Variants in PRKDC observed in about 807,000 individuals in gnomAD.
PRKDC encodes protein kinase, DNA-activated, catalytic subunit.
PRKDC carries 82 observed loss-of-function variants against 486.9 expected under a neutral mutation model. The ratio of observed to expected loss-of-function variants is 0.17; its 90% CI spans 0.14 to 0.20. The LOEUF (loss-of-function observed/expected upper bound fraction) is 0.20. Ranked by LOEUF, PRKDC falls within the 10% of genes least tolerant of loss-of-function variation. PRKDC has a pLI of 1.00. For synonymous variants in PRKDC, 1,895 were observed against 1,837.0 expected (o/e 1.03, Z -0.81); for missense variants, 4,504 against 5,038.2 (o/e 0.89, Z 3.21).
At chr8:47,886,179 G>A in intron 35 of PRKDC, 32 bp from the exon 36 acceptor site, 2 of 1,524,958 alleles carry the variant, frequency 1.3e-6, no homozygotes, top group Non-Finnish European at 1.8e-6. Flanking sequence ...TACCATAACT[G>A]GGGCACATCT....
At chr8:47,776,797 T>G in intron 85 of PRKDC, 47 bp downstream of exon 85, 4 of 1,606,090 alleles carry the variant, frequency 2.5e-6, no homozygotes, top group Non-Finnish European at 3.4e-6. Context: ...CGAGAAACAG[T>G]AGCATGTCGG....
chr8:47,908,345 T>C (rs2089831254), intron 25 of PRKDC, among the ~76,000 whole-genome samples: 1 of 152,252 alleles, frequency 6.6e-6, no homozygotes, highest in African/African-American at 2.4e-5. Context: ...CATTTGTCCA[T>C]TTTAAAATCT....
chr8:47,802,301 T>C (rs1287130873), intron 70 of PRKDC, among the ~76,000 whole-genome samples: 2 of 152,126 alleles, frequency 1.3e-5, no homozygotes, highest in Non-Finnish European at 2.9e-5. Context: ...TAGACACCTT[T>C]ATTGAGGCTG....
At chr8:47,935,698 C>A (rs2090338065) in intron 13 of PRKDC, 34 bp downstream of exon 13, 2 of 1,596,858 alleles carry the variant, frequency 1.3e-6, no homozygotes, top group African/African-American at 1.3e-5. Context: ...AATTATCCAT[C>A]ATTACTCATA....
chr8:47,927,349 G>C lies in PRKDC; in HGVS notation c.2264C>G (p.Ala755Gly). The C allele has an allele frequency of 6.2e-7, 1 of 1,610,314 alleles. No individual in the cohort carries two copies. The highest frequency in any genetic ancestry group is 8.5e-7 in the Non-Finnish European group (1 of 1,178,860). Reference sequence around the variant, plus strand: ...GGTATAGCTCAGGCCCAGTTTGAAAGCCATCTGTATGTTAATACAAACAAG... The same window carrying C: ...GGTATAGCTCAGGCCCAGTTTGAAACCCATCTGTATGTTAATACAAACAAG... ...VRAYVPALQM[A>G]FKLGLSYTPL... The change falls in exon 21 of 86, where the codon GCT becomes GGT. Residue 755 changes from alanine (A) to glycine (G), a missense_variant. Coordinates refer to ENST00000314191, the MANE Select transcript of PRKDC (RefSeq NM_006904.7).
intron 40 of PRKDC, among the ~76,000 whole-genome samples, chr8:47,870,920 C>T (rs559710436): frequency 5.3e-5 from 8 of 152,188 alleles, no homozygotes; most frequent in Non-Finnish European, 1.2e-4. Flanking sequence ...AATTATCAAT[C>T]TGAAAAATGC....
At chr8:47,927,380 C>A in intron 20 of PRKDC, 27 bp from the exon 21 acceptor site, 1 of 1,583,988 alleles carries the variant, frequency 6.3e-7, no homozygotes, top group Non-Finnish European at 8.5e-7. Context: ...ACAAGTTAAA[C>A]TGAAACGCAG....
chr8:47,950,625 GA>G (rs1208107553), intron 7 of PRKDC, among the ~76,000 whole-genome samples: 1,154 of 77,762 alleles, frequency 0.015, 7 homozygotes, highest in South Asian at 0.045. Flanking sequence ...CAAGACTCCG[GA>G]AAAAAAAAAA....
At chr8:47,936,129 C>G (rs1395812025) in intron 12 of PRKDC, among the ~76,000 whole-genome samples, 1 of 151,614 alleles carries the variant, frequency 6.6e-6, no homozygotes, top group Non-Finnish European at 1.5e-5. Flanking sequence ...AGCAACAATT[C>G]CAAATCTTTC....
At chr8:47,839,506 G>C (rs1310462773) in intron 55 of PRKDC, among the ~76,000 whole-genome samples, 1 of 152,122 alleles carries the variant, frequency 6.6e-6, no homozygotes, top group Non-Finnish European at 1.5e-5. Flanking sequence ...CAGCTGTGGT[G>C]GTGTGGTAGT....
intron 67 of PRKDC, 40 bp from the exon 68 acceptor site, chr8:47,817,601 A>G (rs2087476768): frequency 8.0e-7 from 1 of 1,250,116 alleles, no homozygotes; most frequent in Non-Finnish European, 1.1e-6. Context: ...ACACAGCTCA[A>G]TTATAAGATC....
chr8:47,827,537 T>C (rs771003622), intron 62 of PRKDC, among the ~76,000 whole-genome samples: 1 of 152,220 alleles, frequency 6.6e-6, no homozygotes, highest in Non-Finnish European at 1.5e-5. Context: ...TGTGTTGCCT[T>C]GGAAAGGACT....
Position 47,793,683 on chromosome 8 carries a change from T to TAA in PRKDC, c.10670+605_10670+606dup, listed in dbSNP as rs397892514. 5.7e-3 allele frequency among the ~76,000 whole-genome samples: 413 copies of TAA among 72,794 alleles called. 8 individuals are homozygous for TAA. Among genetic ancestry groups the TAA allele is most frequent in the African/African-American group, 0.017 (341 of 20,356 alleles). 47.8% of individuals were successfully genotyped at this position (72,794 alleles called of 152,430 possible). A position where few individuals can be genotyped will look rare whatever the true frequency, so the allele number is the denominator to read the frequency against. ...TAAAAATAAATTAATTTAAAAAAACTAAAAAAAAAAAAAAAAAAAAAGATG... is the reference window on the plus strand; with the variant it reads ...TAAAAATAAATTAATTTAAAAAAACTAAAAAAAAAAAAAAAAAAAAAAAGATG... On this transcript the variant is annotated intron_variant, in intron 74 of 85. Transcript: ENST00000314191.
At chr8:47,804,916 C>T (rs550873331) in intron 69 of PRKDC, among the ~76,000 whole-genome samples, 4 of 152,276 alleles carry the variant, frequency 2.6e-5, no homozygotes, top group African/African-American at 9.6e-5. Context: ...CATGTGCCAC[C>T]ACATCCGGCT....
intron 4 of PRKDC, among the ~76,000 whole-genome samples, chr8:47,955,482 AAAAAAG>A (rs2090687049): frequency 6.6e-6 from 1 of 151,270 alleles, no homozygotes; most frequent in Admixed American, 6.6e-5. Flanking sequence ...AAAAAAAAAA[AAAAAAG>A]AAAACATATG....
At chr8:47,910,949 T>C (rs759158622) in intron 25 of PRKDC, among the ~76,000 whole-genome samples, 1 of 152,220 alleles carries the variant, frequency 6.6e-6, no homozygotes, top group Non-Finnish European at 1.5e-5. Context: ...ATGAGAATTA[T>C]GTGTTTATAA....
At chr8:47,912,889 T>C (rs1018912751) in intron 24 of PRKDC, among the ~76,000 whole-genome samples, 2 of 152,228 alleles carry the variant, frequency 1.3e-5, no homozygotes, top group Non-Finnish European at 2.9e-5. Flanking sequence ...TAAGTAAAAA[T>C]ATTTTTTGAA....
At chr8:47,845,176 G>A (rs964115281) in intron 54 of PRKDC, among the ~76,000 whole-genome samples, 1 of 151,996 alleles carries the variant, frequency 6.6e-6, no homozygotes, top group Non-Finnish European at 1.5e-5. Context: ...AGCCGAGATC[G>A]CTACCACTGC....
rs529380482 is a variant in PRKDC, at chr8:47,953,942, G to C, written c.509-23C>G. The C allele has an allele frequency of 5.9e-5, 82 of 1,390,198 alleles. No individual in the cohort carries two copies. In the South Asian group the frequency reaches 1.1e-3, roughly 18 times the overall value. The allele number at this position is 1,390,198 out of a possible 1,614,324, so 86.1% of individuals were successfully genotyped here. On this transcript the variant is annotated intron_variant, in intron 5 of 85. Transcript: ENST00000314191. Reference sequence around the variant, plus strand: ...AAACTGAAAAGAAAATTTTAGACAAGTGAAGGCCTCAAACTACATTTAAAT... The same window carrying C: ...AAACTGAAAAGAAAATTTTAGACAACTGAAGGCCTCAAACTACATTTAAAT...
Sources: gnomAD v4.1 joint callset for allele counts (sites outside exome capture counted in the v4.1 genomes callset) on GRCh38, gnomAD v4.1.1 for gene constraint, MANE v1.5 for transcripts, NCBI Gene and HGNC (gene_info 2026-07-23, HGNC 2026-07-21) for gene names.